The following RAD51C variants were observed in gnomAD, a reference collection of about 807,000 sequenced individuals.
RAD51C encodes DNA repair protein RAD51 homolog 3.
RAD51C carries 42 observed loss-of-function variants against 45.0 expected under a neutral mutation model. The observed-to-expected ratio is 0.93, with a 90% confidence interval of 0.73 to 1.21. The LOEUF (loss-of-function observed/expected upper bound fraction) is 1.21. Among genes scored for constraint, RAD51C ranks in the 50% most tolerant of loss-of-function variants. The probability of loss-of-function intolerance (pLI) is 0.00; values close to 1 mark genes in which losing one functional copy is unlikely to be tolerated. For missense variants in RAD51C, 474 were observed against 452.2 expected (o/e 1.05, Z -0.44); for synonymous variants, 172 against 159.8 (o/e 1.08, Z -0.58).
intron 4 of RAD51C, among the ~76,000 whole-genome samples, chr17:58,706,910 A>G (rs1411621606): frequency 6.6e-6 from 1 of 152,114 alleles, no homozygotes; most frequent in Admixed American, 6.6e-5. Context: ...TCTCTAGAGC[A>G]AGCTTTCTTA....
chr17:58,723,844 G>A (rs947933987), intron 6 of RAD51C, among the ~76,000 whole-genome samples, 196 bp from the exon 7 acceptor site: 1 of 152,082 alleles, frequency 6.6e-6, no homozygotes, highest in Non-Finnish European at 1.5e-5. Flanking sequence ...AGAGAATAAT[G>A]ATTTGCAGTA....
intron 4 of RAD51C, 77 bp downstream of exon 4, chr17:58,703,406 A>T (rs2143804173): frequency 6.8e-7 from 1 of 1,473,456 alleles, no homozygotes; most frequent in Non-Finnish European, 9.3e-7. Flanking sequence ...AATAACCAGT[A>T]CAGTAGCATA....
chr17:58,709,625 C>G (rs1371136179), intron 4 of RAD51C: 4 of 394,966 alleles, frequency 1.0e-5, no homozygotes, highest in African/African-American at 8.2e-5. Flanking sequence ...GAAGCAATGT[C>G]TAAGTAAGTT....
At chr17:58,697,125 C>T (rs1177017589) in intron 3 of RAD51C, among the ~76,000 whole-genome samples, 1 of 152,154 alleles carries the variant, frequency 6.6e-6, no homozygotes, top group African/African-American at 2.4e-5. Context: ...CATCATACTC[C>T]ATCTTATCAG....
At chr17:58,692,577 T>C (rs952662506), upstream of RAD51C, 42 of 1,594,216 alleles carry the variant, frequency 2.6e-5, no homozygotes, top group Non-Finnish European at 3.1e-5. Flanking sequence ...ACGTCTGACG[T>C]CACGCCGCAC....
chr17:58,696,844 A>C lies in RAD51C; in HGVS notation c.556A>C (p.Lys186Gln), dbSNP rs1363104728. ...CIQHLQLIAE[K>Q]HKGEEHRKAL... is the part of the protein sequence containing the mutation. ...TCAGCACCTTCAGCTTATAGCAGAA[A>C]AACACAAGGGAGAGGGTAAGTTAGT... The change falls in exon 3 of 9, where the codon AAA becomes CAA. Residue 186 changes from lysine (K) to glutamine (Q), a missense_variant. Coordinates refer to ENST00000337432, the MANE Select transcript of RAD51C (RefSeq NM_058216.3). 6.2e-7 allele frequency: 1 copy of C among 1,614,058 alleles called. No individual in the cohort carries two copies. The highest frequency in any genetic ancestry group is 1.3e-5 in the African/African-American group (1 of 74,942).
chr17:58,712,750 G>A (rs1490538074), intron 5 of RAD51C, among the ~76,000 whole-genome samples: 1 of 152,024 alleles, frequency 6.6e-6, no homozygotes, highest in African/African-American at 2.4e-5. Flanking sequence ...AACCCGGGAG[G>A]CGGAGCTTGC....
At chr17:58,700,520 G>A (rs1404795958) in intron 3 of RAD51C, among the ~76,000 whole-genome samples, 2 of 152,232 alleles carry the variant, frequency 1.3e-5, no homozygotes, top group East Asian at 3.9e-4. Flanking sequence ...TGGGCTCACT[G>A]CAAGCTCTGC....
intron 5 of RAD51C, among the ~76,000 whole-genome samples, chr17:58,711,752 A>G (rs2048564157): frequency 1.3e-5 from 2 of 152,078 alleles, no homozygotes; most frequent in African/African-American, 4.8e-5. Context: ...GATTACATGC[A>G]TAAGCCACTG....
chr17:58,728,579 G>A (rs1315561594), intron 7 of RAD51C, among the ~76,000 whole-genome samples: 2 of 151,648 alleles, frequency 1.3e-5, no homozygotes, highest in African/African-American at 4.8e-5. Flanking sequence ...TGTAATTTTT[G>A]TAGAGATGGG....
At chr17:58,716,893 TG>T (rs1383436634) in intron 5 of RAD51C, among the ~76,000 whole-genome samples, 2 of 151,274 alleles carry the variant, frequency 1.3e-5, no homozygotes, top group Non-Finnish European at 2.9e-5. Flanking sequence ...CTCTGCCTCC[TG>T]GGTTCACACC....
chr17:58,693,640 AAAG>A (rs1435693826), intron 1 of RAD51C: 1 of 152,206 alleles, frequency 6.6e-6, no homozygotes, highest in Admixed American at 6.6e-5. Context: ...TTGGCTTTTC[AAAG>A]AAGAAATGTG....
chr17:58,725,416 T>C (rs2049082949), intron 7 of RAD51C, among the ~76,000 whole-genome samples: 1 of 152,182 alleles, frequency 6.6e-6, no homozygotes, highest in Admixed American at 6.6e-5. Context: ...GCACATTCCG[T>C]CATTTATTTT....
chr17:58,704,924 T>G (rs1363038340), intron 4 of RAD51C, among the ~76,000 whole-genome samples: 1 of 151,496 alleles, frequency 6.6e-6, no homozygotes, highest in Non-Finnish European at 1.5e-5. Flanking sequence ...ATTTTTTTTT[T>G]GAGTCGCCCA....
At chr17:58,731,533 GC>G (rs1199713019) in intron 7 of RAD51C, among the ~76,000 whole-genome samples, 4 of 152,082 alleles carry the variant, frequency 2.6e-5, no homozygotes, top group African/African-American at 9.7e-5. Flanking sequence ...TGCTGGGATT[GC>G]AGGCGTGAGC....
intron 3 of RAD51C, among the ~76,000 whole-genome samples, chr17:58,698,333 C>A (rs1387789028): frequency 6.6e-6 from 1 of 151,558 alleles, no homozygotes; most frequent in Admixed American, 6.6e-5. Context: ...CAGGCACCCA[C>A]CACCATGCCC....
chr17:58,703,186 G>A lies in RAD51C; in HGVS notation c.572-10G>A, dbSNP rs2048267883. ...AGGTAAAACTAATTAAGAGTGTTTT[G>A]TTGTTTCAGAACACCGAAAAGCTTT... On this transcript the variant is annotated splice_polypyrimidine_tract_variant and intron_variant, in intron 3 of 8. Coordinates refer to ENST00000337432, the MANE Select transcript of RAD51C (RefSeq NM_058216.3). 1 of 1,610,200 alleles carries A rather than the reference G, an allele frequency of 6.2e-7. No individual in the cohort carries two copies. The highest frequency in any genetic ancestry group is 1.7e-4 in the Middle Eastern group (1 of 5,980).
rs34530914 is a variant in RAD51C at position 58,697,540 on chromosome 17, T to TAA, written c.571+697_571+698dup. Among the ~76,000 whole-genome samples the TAA allele has an allele frequency of 1.5e-3, 159 of 103,906 alleles. 1 individual carries two copies. Among genetic ancestry groups the TAA allele is most frequent in the East Asian group, 3.3e-3 (12 of 3,608 alleles). 68.2% of individuals were successfully genotyped at this position (103,906 alleles called of 152,430 possible). Reference sequence around the variant, plus strand: ...AACAGAGTGAGACTACTCTGTCTCTTAAAAAAAAAAAAAAAAACCAAAAAA... The same window carrying TAA: ...AACAGAGTGAGACTACTCTGTCTCTTAAAAAAAAAAAAAAAAAAACCAAAAAA... On this transcript the variant is annotated intron_variant, in intron 3 of 8. Transcript: ENST00000337432.
intron 7 of RAD51C, among the ~76,000 whole-genome samples, chr17:58,724,665 C>A (rs1353401810): frequency 6.6e-6 from 1 of 151,788 alleles, no homozygotes; most frequent in African/African-American, 2.4e-5. Context: ...AGCATGAAAT[C>A]TTTGTATTTG....
Sources: gnomAD v4.1 joint callset for allele counts (sites outside exome capture counted in the v4.1 genomes callset) on GRCh38, gnomAD v4.1.1 for gene constraint, MANE v1.5 for transcripts, NCBI Gene and HGNC (gene_info 2026-07-23, HGNC 2026-07-21) for gene names.